The following EDIL3 variants were observed in gnomAD, a reference collection of about 807,000 sequenced individuals.
EDIL3 encodes the protein EGF like and discoidin domains 3.
A neutral mutation model predicts 67.4 loss-of-function variants in EDIL3; 37 were observed. The observed-to-expected ratio is 0.55, with a 90% CI of 0.42 to 0.72. EDIL3 has a LOEUF of 0.72. Ranked by LOEUF, EDIL3 falls within the 30% of genes least tolerant of loss-of-function variation. The pLI, the probability that EDIL3 is intolerant of heterozygous loss-of-function variation, is 0.00. For synonymous variants in EDIL3, 195 were observed against 196.3 expected, an observed-to-expected ratio of 0.99 and a Z score of 0.05; for missense variants, 527 against 586.3, an observed-to-expected ratio of 0.90 and a Z score of 1.04.
At chr5:84,265,279 C>T (rs1390016525) in intron 1 of EDIL3, among the ~76,000 whole-genome samples, 5 of 152,142 alleles carry the variant, frequency 3.3e-5, no homozygotes, top group Admixed American at 6.5e-5. Flanking sequence ...AGAATTTATA[C>T]CTTATACTGC....
chr5:84,247,481 G>C (rs1290831449), intron 2 of EDIL3, among the ~76,000 whole-genome samples: 1 of 152,132 alleles, frequency 6.6e-6, no homozygotes, highest in Non-Finnish European at 1.5e-5. Context: ...GCTATTCATA[G>C]AGTGAAATGT....
chr5:84,369,805 T>G (rs1747808113), intron 1 of EDIL3, among the ~76,000 whole-genome samples: 1 of 152,198 alleles, frequency 6.6e-6, no homozygotes, highest in Admixed American at 6.6e-5. Context: ...CCCCAAACGC[T>G]GTATGATATG....
rs562287672 is a variant in EDIL3 at position 84,072,988 on chromosome 5, G to A, written c.652-6382C>T. Among the ~76,000 whole-genome samples the A allele has an allele frequency of 1.9e-4, 29 of 152,232 alleles. 1 individual carries two copies. The South Asian group carries it at 5.4e-3, about 28-fold the overall frequency. ...TTATTACAAGAACACCACAGGTAAA[G>A]TTCACAGGAAGGTGACAATCTGGGA... On this transcript the variant is annotated intron_variant, in intron 6 of 10. Transcript: ENST00000296591.
At chr5:84,103,757 A>G (rs1446179746) in intron 6 of EDIL3, among the ~76,000 whole-genome samples, 1 of 152,136 alleles carries the variant, frequency 6.6e-6, no homozygotes, top group African/African-American at 2.4e-5. Context: ...GAATGGTTAT[A>G]CACTGTTGGT....
intron 9 of EDIL3, among the ~76,000 whole-genome samples, chr5:84,002,735 A>T (rs1039078872): frequency 6.6e-6 from 1 of 152,234 alleles, no homozygotes; most frequent in Non-Finnish European, 1.5e-5. Context: ...GATAACCAAC[A>T]GGCTCTCTGA....
chr5:84,289,649 C>T (rs769634676), intron 1 of EDIL3, among the ~76,000 whole-genome samples: 1 of 152,076 alleles, frequency 6.6e-6, no homozygotes, highest in Non-Finnish European at 1.5e-5. Flanking sequence ...CCTGACTTTC[C>T]GTCAACAACT....
At chr5:84,354,642 G>A (rs187127236) in intron 1 of EDIL3, among the ~76,000 whole-genome samples, 1,577 of 134,298 alleles carry the variant, frequency 0.012, 31 homozygotes, top group African/African-American at 0.043. Context: ...GGGCAACAGA[G>A]TGAGACTCCA....
intron 9 of EDIL3, among the ~76,000 whole-genome samples, chr5:83,982,470 C>T (rs1260670344): frequency 6.6e-6 from 1 of 152,002 alleles, no homozygotes; most frequent in Non-Finnish European, 1.5e-5. Context: ...TTCCTGAATA[C>T]TCCTGTCTTT....
chr5:84,107,923 C>T (rs918661060), intron 5 of EDIL3, among the ~76,000 whole-genome samples: 4 of 150,386 alleles, frequency 2.7e-5, no homozygotes, highest in African/African-American at 7.3e-5. Context: ...GAATATTTTG[C>T]CAATTTAGAT....
At chr5:83,956,757 T>A (rs1744519871) in intron 10 of EDIL3, among the ~76,000 whole-genome samples, 1 of 151,662 alleles carries the variant, frequency 6.6e-6, no homozygotes, top group Admixed American at 6.6e-5. Flanking sequence ...TGATACCAAA[T>A]GGTATTTATT....
intron 1 of EDIL3, among the ~76,000 whole-genome samples, chr5:84,262,659 G>GTTTTTTTTGTT (rs1745251291): frequency 2.2e-5 from 1 of 46,310 alleles, no homozygotes; most frequent in African/African-American, 8.7e-5. Context: ...AGGTTGGTTG[G>GTTTTTTTTGTT]TTTTTTTTTT....
At chr5:84,005,727 G>T (rs918951940) in intron 9 of EDIL3, among the ~76,000 whole-genome samples, 9 of 151,936 alleles carry the variant, frequency 5.9e-5, no homozygotes, top group African/African-American at 2.2e-4. Flanking sequence ...TACTGAATGG[G>T]CAAAAGCTGG....
chr5:84,073,481 T>G (rs1746785929), intron 6 of EDIL3, among the ~76,000 whole-genome samples: 1 of 152,194 alleles, frequency 6.6e-6, no homozygotes, highest in African/African-American at 2.4e-5. Context: ...CTTAAGCTGA[T>G]AAGCAACTTC....
intron 9 of EDIL3, chr5:84,048,283 A>T: frequency 2.3e-6 from 1 of 440,542 alleles, no homozygotes; most frequent in South Asian, 1.6e-5. Context: ...CTGTAAATAA[A>T]TTGTTCAGAA....
intron 3 of EDIL3, among the ~76,000 whole-genome samples, chr5:84,214,552 T>G (rs1036520565): frequency 1.3e-5 from 2 of 152,324 alleles, no homozygotes; most frequent in Non-Finnish European, 1.5e-5. Context: ...CTTGAATACC[T>G]AGATGTGAAA....
chr5:84,158,208 A>AT (rs1430675485), intron 4 of EDIL3, among the ~76,000 whole-genome samples: 5 of 152,058 alleles, frequency 3.3e-5, no homozygotes, highest in African/African-American at 4.8e-5. Context: ...ATATTTTGGC[A>AT]TTTTCACTTT....
At position 84,145,414 on chromosome 5, in the gene EDIL3, A is replaced by G. The variant is rs992620333; in HGVS notation, c.356-8060T>C. On this transcript the variant is annotated intron_variant, in intron 4 of 10. Coordinates refer to ENST00000296591, the MANE Select transcript of EDIL3 (RefSeq NM_005711.5). The stretch of plus-strand genomic sequence containing the variant: ...AATGGCGACCATGTAGTCTGGGACC[A>G]GATTTTTATGGCCGTATCAATCAAC... 3.3e-5 allele frequency among the ~76,000 whole-genome samples: 5 copies of G among 152,134 alleles called. No homozygotes were observed. The East Asian group carries it at 9.7e-4, about 29-fold the overall frequency.
intron 9 of EDIL3, among the ~76,000 whole-genome samples, chr5:83,988,977 T>C (rs1420521357): frequency 6.6e-6 from 1 of 152,156 alleles, no homozygotes; most frequent in Non-Finnish European, 1.5e-5. Context: ...CTCTGAAAAG[T>C]AGTATTTTTA....
intron 1 of EDIL3, among the ~76,000 whole-genome samples, chr5:84,288,236 T>A (rs1345125460): frequency 1.3e-5 from 2 of 152,168 alleles, no homozygotes; most frequent in Non-Finnish European, 2.9e-5. Context: ...GCAGTTTATG[T>A]TGCCTTTACC....
Sources: gnomAD v4.1 joint callset for allele counts (sites outside exome capture counted in the v4.1 genomes callset) on GRCh38, gnomAD v4.1.1 for gene constraint, MANE v1.5 for transcripts, NCBI Gene and HGNC (gene_info 2026-07-23, HGNC 2026-07-21) for gene names.